SNX19: variants seen among roughly 807,000 people sequenced by gnomAD.
SNX19 encodes sorting nexin 19.
In SNX19, 60 loss-of-function variants were observed where a neutral mutation model predicts 85.2. The observed-to-expected ratio is 0.70, with a 90% confidence interval of 0.57 to 0.87. SNX19 has a LOEUF of 0.87. SNX19 is among the 40% of genes least tolerant of loss of function. The pLI, the probability that SNX19 is intolerant of heterozygous loss-of-function variation, is 0.00. For missense variants in SNX19, 1,201 were observed against 1,217.8 expected (o/e 0.99, Z 0.21); for synonymous variants, 520 against 470.0 (o/e 1.11, Z -1.38).
At chr11:130,883,877 C>A (rs1943866741) in intron 8 of SNX19, among the ~76,000 whole-genome samples, 1 of 152,206 alleles carries the variant, frequency 6.6e-6, no homozygotes. Flanking sequence ...AAAATCACCA[C>A]CACAACTGCC....
At chr11:130,898,164 T>TTC (rs397951574) in intron 8 of SNX19, among the ~76,000 whole-genome samples, 1 of 151,818 alleles carries the variant, frequency 6.6e-6, no homozygotes, top group East Asian at 1.9e-4. Flanking sequence ...TTTTTTTTTT[T>TTC]CCTTTGCAGG....
rs1048006558 is a variant in SNX19, at chr11:130,866,555, G to A, written c.*11867C>T. 2 of 152,332 alleles carry A rather than the reference G, an allele frequency of 1.3e-5. No homozygotes were observed. The highest frequency in any genetic ancestry group is 2.1e-4 in the South Asian group (1 of 4,830). The allele number at this position is 152,332 out of a possible 1,614,324, so 9.4% of individuals were successfully genotyped here. On this transcript the variant is annotated 3_prime_UTR_variant, in exon 11 of 11. Coordinates refer to ENST00000265909, the MANE Select transcript of SNX19 (RefSeq NM_014758.3). The stretch of plus-strand genomic sequence containing the variant: ...TTAGAAGACCCTCTTCCCCAGGAGA[G>A]TGGGAGCGTCTGCCTTCGGGCTGTC...
intron 8 of SNX19, among the ~76,000 whole-genome samples, chr11:130,885,086 G>A (rs998234441): frequency 5.9e-5 from 9 of 151,938 alleles, no homozygotes; most frequent in Non-Finnish European, 1.0e-4. Context: ...TCATCCCAAA[G>A]AAGAGAAGAA....
chr11:130,891,244 CTG>C (rs1944473536), intron 8 of SNX19, among the ~76,000 whole-genome samples: 1 of 152,104 alleles, frequency 6.6e-6, no homozygotes, highest in Admixed American at 6.5e-5. Context: ...TAAAATGAAA[CTG>C]TGGGCTAATA....
Position 130,878,345 on chromosome 11 carries a change from G to A in SNX19, c.*77C>T, listed in dbSNP as rs1405474967. 3 of 1,529,938 alleles carry A rather than the reference G, an allele frequency of 2.0e-6. No individual in the cohort carries two copies. The highest frequency in any genetic ancestry group is 2.7e-6 in the Non-Finnish European group (3 of 1,128,568). The allele number at this position is 1,529,938 out of a possible 1,614,324, so 94.8% of individuals were successfully genotyped here. On this transcript the variant is annotated 3_prime_UTR_variant, in exon 11 of 11. Transcript: ENST00000265909. Reference sequence around the variant, plus strand: ...CTTAGCTGTAGCCTACTTGAAGAGGGCACGGGCTTCCTGACTGGTCTCTGG... The same window carrying A: ...CTTAGCTGTAGCCTACTTGAAGAGGACACGGGCTTCCTGACTGGTCTCTGG...
chr11:130,910,026 T>C lies in SNX19; in HGVS notation c.2026A>G (p.Ile676Val), dbSNP rs200671026. The change falls in exon 4 of 11, where the codon ATA becomes GTA. Residue 676 changes from isoleucine (I) to valine (V), a missense_variant. By Grantham distance (29) the Ile-to-Val change is conservative. Transcript: ENST00000265909. ...AGTGGCCCTGCTGGTACCTTGTCTA[T>C]TCTAGAGACCATAAATGGTTTCTTG... ...FVKKPFMVSRIDKMVVSAIVD... is the reference protein window; with the variant it reads ...FVKKPFMVSRVDKMVVSAIVD... The C allele has an allele frequency of 5.6e-6, 9 of 1,613,248 alleles. No individual in the cohort carries two copies. The highest frequency in any genetic ancestry group is 4.0e-5 in the African/African-American group (3 of 74,900).
intron 4 of SNX19, among the ~76,000 whole-genome samples, chr11:130,908,906 C>G (rs1315528125): frequency 6.6e-6 from 1 of 152,242 alleles, no homozygotes; most frequent in African/African-American, 2.4e-5. Flanking sequence ...ACCATGCCTT[C>G]TTTGACTCAT....
At chr11:130,900,465 A>C (rs1945184577) in intron 8 of SNX19, among the ~76,000 whole-genome samples, 1 of 152,190 alleles carries the variant, frequency 6.6e-6, no homozygotes, top group Non-Finnish European at 1.5e-5. Flanking sequence ...TTTCTGCCTT[A>C]GATCTCCCAG....
At chr11:130,889,478 T>C (rs1242204158) in intron 8 of SNX19, among the ~76,000 whole-genome samples, 1 of 152,058 alleles carries the variant, frequency 6.6e-6, no homozygotes, top group Admixed American at 6.6e-5. Flanking sequence ...AATAGTGTCA[T>C]TCACAAATAA....
intron 6 of SNX19, 115 bp from the exon 7 acceptor site, chr11:130,906,248 ACT>A: frequency 9.6e-7 from 1 of 1,037,962 alleles, no homozygotes. Context: ...ATAAAACCCA[ACT>A]GATGCTATGA....
At position 130,871,891 on chromosome 11, in the gene SNX19, A is replaced by C. The variant is rs1375319296; in HGVS notation, c.*6531T>G. Among the ~76,000 whole-genome samples, 2 of 152,236 alleles carry C rather than the reference A, an allele frequency of 1.3e-5. No individual in the cohort carries two copies. The highest frequency in any genetic ancestry group is 2.9e-5 in the Non-Finnish European group (2 of 68,034). On this transcript the variant is annotated 3_prime_UTR_variant, in exon 11 of 11. Coordinates refer to ENST00000265909, the MANE Select transcript of SNX19 (RefSeq NM_014758.3). ...ATCACTACAACACTTTAATATTAAA[A>C]TTAGCTTACACTTCCTAAACAAACA...
intron 5 of SNX19, among the ~76,000 whole-genome samples, chr11:130,907,418 G>C (rs1945756894): frequency 6.6e-6 from 1 of 152,132 alleles, no homozygotes; most frequent in African/African-American, 2.4e-5. Context: ...TGGTGCCCTT[G>C]CTTGCCACAT....
chr11:130,914,986 C>T lies in SNX19; in HGVS notation c.954G>A (p.Glu318=), dbSNP rs774618899. 6 of 1,614,168 alleles carry T rather than the reference C, an allele frequency of 3.7e-6. No individual in the cohort carries two copies. Among genetic ancestry groups the T allele is most frequent in the Non-Finnish European group, 5.1e-6 (6 of 1,180,020 alleles). The change falls in exon 1 of 11, where the codon GAG becomes GAA. Residue 318 remains glutamate (E), a synonymous_variant. Coordinates refer to ENST00000265909, the MANE Select transcript of SNX19 (RefSeq NM_014758.3). ...VAAPVFLSYS[E]PEGSAGPSPE... is the part of the protein sequence containing the mutation. ...GAGAGGGGCCTGCAGAACCCTCTGG[C>T]TCACTGTAACTTAGGAATACTGGGG...
chr11:130,878,244 G>T lies in SNX19; in HGVS notation c.*178C>A. ...GGGAAATAAACGTGCATACAACTGG[G>T]ACACACAGACCCCTGTCACCTGCTA... On this transcript the variant is annotated 3_prime_UTR_variant, in exon 11 of 11. Transcript: ENST00000265909. 1 of 579,218 alleles carries T rather than the reference G, an allele frequency of 1.7e-6. No homozygotes were observed. The highest frequency in any genetic ancestry group is 2.9e-6 in the Non-Finnish European group (1 of 340,556). The allele number at this position is 579,218 out of a possible 1,614,324, so 35.9% of individuals were successfully genotyped here. A position where few individuals can be genotyped will look rare whatever the true frequency, so the allele number is the denominator to read the frequency against.
In SNX19 at chr11:130,906,079, TTGTC is replaced by T. The variant is rs756424856; in HGVS notation, c.2313_2316del (p.Thr772SerfsTer48). 1.2e-6 allele frequency: 2 copies of T among 1,614,184 alleles called. No individual in the cohort carries two copies. Among genetic ancestry groups the T allele is most frequent in the Non-Finnish European group, 1.7e-6 (2 of 1,180,030 alleles). ...TTTGTTGGCTGCATTTCCAGTAACT[TTGTC>T]TGTTTTTCAATAAAAGATTCCATCG... On this transcript the variant is annotated frameshift_variant, in exon 7 of 11. Coordinates refer to ENST00000265909, the MANE Select transcript of SNX19 (RefSeq NM_014758.3). LOFTEE classifies it high-confidence loss of function.
chr11:130,879,024 T>G (rs1405935222), intron 10 of SNX19, among the ~76,000 whole-genome samples: 1 of 152,224 alleles, frequency 6.6e-6, no homozygotes, highest in Non-Finnish European at 1.5e-5. Flanking sequence ...ACTCAATACT[T>G]CCAGAAGAGT....
chr11:130,899,479 A>G lies in SNX19; in HGVS notation c.2573+3776T>C, dbSNP rs142152274. ...AAGAGGGCCAAAAATGTCATTAAAAAGATGGGAAAAATGATTTGTAGGGAT... is the reference window on the plus strand; with the variant it reads ...AAGAGGGCCAAAAATGTCATTAAAAGGATGGGAAAAATGATTTGTAGGGAT... On this transcript the variant is annotated intron_variant, in intron 8 of 10. Transcript: ENST00000265909. Among the ~76,000 whole-genome samples the G allele has an allele frequency of 3.4e-3, 521 of 152,364 alleles. 3 individuals are homozygous for G. The highest frequency in any genetic ancestry group is 0.012 in the African/African-American group (499 of 41,580).
chr11:130,880,877 G>C, intron 8 of SNX19, 71 bp from the exon 9 acceptor site: 1 of 1,283,328 alleles, frequency 7.8e-7, no homozygotes, highest in East Asian at 2.4e-5. Flanking sequence ...CGGACTGACT[G>C]TTTATGTTCC....
At chr11:130,897,446 T>A (rs955682531) in intron 8 of SNX19, among the ~76,000 whole-genome samples, 1 of 152,142 alleles carries the variant, frequency 6.6e-6, no homozygotes, top group African/African-American at 2.4e-5. Context: ...ATGCCAGGAA[T>A]GTGTCTGCTG....
Sources: gnomAD v4.1 joint callset for allele counts (sites outside exome capture counted in the v4.1 genomes callset) on GRCh38, gnomAD v4.1.1 for gene constraint, MANE v1.5 for transcripts, NCBI Gene and HGNC (gene_info 2026-07-23, HGNC 2026-07-21) for gene names.